Variants in RFC1 observed in about 807,000 individuals in gnomAD.
RFC1 encodes the protein A1 140 kDa subunit.
In RFC1, 37 loss-of-function variants were observed where a neutral mutation model predicts 137.4. The observed-to-expected ratio is 0.27, with a 90% confidence interval of 0.21 to 0.35. The LOEUF (loss-of-function observed/expected upper bound fraction) is 0.35, where lower values mean the gene tolerates loss of function less well. RFC1 is among the 10% of genes least tolerant of loss of function. The pLI is 1.00. For missense variants in RFC1, 1,205 were observed against 1,358.5 expected (o/e 0.89, Z 1.78); for synonymous variants, 429 against 455.7 (o/e 0.94, Z 0.75).
chr4:39,350,522 C>T (rs1385944326), intron 2 of RFC1, among the ~76,000 whole-genome samples: 1 of 152,068 alleles, frequency 6.6e-6, no homozygotes, highest in Non-Finnish European at 1.5e-5. Flanking sequence ...GAGAAAACAA[C>T]ATCAATGACT....
At position 39,351,599 on chromosome 4, in the gene RFC1, G is replaced by C. The variant is rs181856642; in HGVS notation, c.4-123C>G. The C allele has an allele frequency of 3.8e-5, 28 of 732,898 alleles. No individual in the cohort carries two copies. In the Admixed American group the frequency reaches 1.0e-3, roughly 26 times the overall value. The allele number at this position is 732,898 out of a possible 1,614,324, so 45.4% of individuals were successfully genotyped here. A position where few individuals can be genotyped will look rare whatever the true frequency, so the allele number is the denominator to read the frequency against. On this transcript the variant is annotated intron_variant, in intron 1 of 24. Transcript: ENST00000349703. ...ACCCTGAGTAATTTTTCCATACCAA[G>C]ATAGTTCCACGAATATAGTAGCTTT...
At chr4:39,299,076 C>T (rs1334257075) in intron 21 of RFC1, among the ~76,000 whole-genome samples, 1 of 152,224 alleles carries the variant, frequency 6.6e-6, no homozygotes, top group Non-Finnish European at 1.5e-5. Context: ...CCGCCCAGGG[C>T]AGAAAACCGC....
At chr4:39,333,284 A>G (rs1740193905) in intron 4 of RFC1, among the ~76,000 whole-genome samples, 2 of 152,154 alleles carry the variant, frequency 1.3e-5, no homozygotes, top group African/African-American at 4.8e-5. Flanking sequence ...TAAAAACACT[A>G]ATTATAAAAG....
At chr4:39,317,863 C>T (rs979540239) in intron 9 of RFC1, 4 of 152,248 alleles carry the variant, frequency 2.6e-5, no homozygotes, top group East Asian at 1.9e-4. Context: ...AACTTCTATA[C>T]AAAGAAATGG....
chr4:39,337,374 C>CA (rs34031141), intron 4 of RFC1, among the ~76,000 whole-genome samples: 12,871 of 73,752 alleles, frequency 0.17, 764 homozygotes, highest in Middle Eastern at 0.29. Context: ...AACTCCGTCT[C>CA]AAAAAAAAAA....
At chr4:39,301,087 CG>C (rs71643284) in intron 19 of RFC1, among the ~76,000 whole-genome samples, 127 of 111,204 alleles carry the variant, frequency 1.1e-3, no homozygotes, top group Middle Eastern at 4.5e-3. Context: ...AGCAAGACTC[CG>C]AAAAAAAAAA....
chr4:39,335,962 T>C (rs751298824), intron 4 of RFC1, among the ~76,000 whole-genome samples: 21 of 152,318 alleles, frequency 1.4e-4, no homozygotes, highest in Non-Finnish European at 2.4e-4. Flanking sequence ...CCTATGTCTC[T>C]CACAGTTTCA....
intron 1 of RFC1, among the ~76,000 whole-genome samples, chr4:39,356,274 C>G (rs1341041076): frequency 6.6e-6 from 1 of 152,044 alleles, no homozygotes; most frequent in Non-Finnish European, 1.5e-5. Context: ...TGGTACGTGC[C>G]TGTAATCCCA....
chr4:39,361,892 A>T (rs1741776758), intron 1 of RFC1, among the ~76,000 whole-genome samples: 1 of 152,168 alleles, frequency 6.6e-6, no homozygotes, highest in African/African-American at 2.4e-5. Flanking sequence ...AAAAAAAATT[A>T]GATGGGTGCA....
At chr4:39,317,599 G>C (rs945000057) in intron 9 of RFC1, among the ~76,000 whole-genome samples, 3 of 152,036 alleles carry the variant, frequency 2.0e-5, no homozygotes, top group Non-Finnish European at 4.4e-5. Flanking sequence ...TACTTCTCTC[G>C]GGGAATTTAC....
intron 22 of RFC1, among the ~76,000 whole-genome samples, chr4:39,293,661 G>A (rs924850825): frequency 2.0e-5 from 3 of 152,072 alleles, no homozygotes; most frequent in African/African-American, 4.8e-5. Flanking sequence ...ACTACTAGAT[G>A]AGGAGGCCGC....
intron 4 of RFC1, among the ~76,000 whole-genome samples, chr4:39,330,824 A>G (rs1195056771): frequency 6.6e-6 from 1 of 152,164 alleles, no homozygotes; most frequent in Non-Finnish European, 1.5e-5. Context: ...AGCACATCCA[A>G]GGCCTGATAC....
Position 39,302,577 on chromosome 4 carries a change from C to A in RFC1, c.2359G>T (p.Ala787Ser). Residue 787 changes from alanine to serine, a missense_variant, in exon 18 of 25, where the codon GCA becomes TCA. Physicochemically the swap from Ala to Ser is moderately conservative, Grantham distance 99 (BLOSUM62 1). Transcript: ENST00000349703. ...EQIKGAMMSI[A>S]FKEGLKIPPP... is the part of the protein sequence containing the mutation. ...GGAATCTTTAAACCTTCTTTAAATGCAATAGACATCATAGCACCCTGAAAT... is the reference window on the plus strand; with the variant it reads ...GGAATCTTTAAACCTTCTTTAAATGAAATAGACATCATAGCACCCTGAAAT... 6.2e-7 allele frequency: 1 copy of A among 1,609,000 alleles called. No homozygotes were observed. The highest frequency in any genetic ancestry group is 8.5e-7 in the Non-Finnish European group (1 of 1,176,262).
chr4:39,359,865 A>C (rs1407119167), intron 1 of RFC1, among the ~76,000 whole-genome samples: 1 of 151,584 alleles, frequency 6.6e-6, no homozygotes, highest in Non-Finnish European at 1.5e-5. Flanking sequence ...CTGGGGAGTC[A>C]GGGAAACGGT....
At chr4:39,307,208 C>T (rs1738715317) in intron 13 of RFC1, among the ~76,000 whole-genome samples, 1 of 152,178 alleles carries the variant, frequency 6.6e-6, no homozygotes, top group Admixed American at 6.5e-5. Flanking sequence ...AGCATAGTAG[C>T]TACATGGTCA....
chr4:39,326,147 G>C (rs887424963), intron 6 of RFC1, among the ~76,000 whole-genome samples: 1 of 152,146 alleles, frequency 6.6e-6, no homozygotes, highest in African/African-American at 2.4e-5. Flanking sequence ...GTTGCAATTA[G>C]CCAGATTATG....
chr4:39,363,466 T>C (rs1741857169), intron 1 of RFC1, among the ~76,000 whole-genome samples: 1 of 152,262 alleles, frequency 6.6e-6, no homozygotes, highest in Non-Finnish European at 1.5e-5. Flanking sequence ...CTCATTTTTA[T>C]AAAGGTTGCA....
In RFC1 at chr4:39,320,441, T is replaced by C. The variant is rs137867721; in HGVS notation, c.1037A>G (p.Lys346Arg). Residue 346 changes from lysine to arginine, a missense_variant, in exon 9 of 25, where the codon AAA becomes AGA. By Grantham distance (26) the Lys-to-Arg change is conservative. Transcript: ENST00000349703. ...AGGAGTTTTTGTCTCTCCTTTCAATTTAATGGCATTTTCTTTTCTTTTTGA... is the reference window on the plus strand; with the variant it reads ...AGGAGTTTTTGTCTCTCCTTTCAATCTAATGGCATTTTCTTTTCTTTTTGA... Reference protein sequence around the residue: ...VASKRKENAIKLKGETKTPKK... With the variant: ...VASKRKENAIRLKGETKTPKK... 9.3e-4 allele frequency: 1,469 copies of C among 1,583,108 alleles called. 12 individuals carry two copies. In the African/African-American group the frequency reaches 0.017, roughly 18 times the overall value.
chr4:39,329,688 C>A (rs992315327), intron 4 of RFC1, among the ~76,000 whole-genome samples: 1 of 152,040 alleles, frequency 6.6e-6, no homozygotes, highest in African/African-American at 2.4e-5. Context: ...CTGCAGTAAG[C>A]CTCGATTGTA....
Sources: allele counts gnomAD v4.1 joint callset (sites outside exome capture counted in the v4.1 genomes callset), GRCh38; gene constraint gnomAD v4.1.1; transcripts MANE v1.5; gene names NCBI Gene and HGNC (gene_info 2026-07-23, HGNC 2026-07-21).